FRMD4A: variants seen among roughly 807,000 people sequenced by gnomAD.
FRMD4A encodes FERM domain containing 4A.
A neutral mutation model predicts 129.1 loss-of-function variants in FRMD4A; 29 were observed. That is an observed-to-expected ratio of 0.22 (90% confidence interval 0.17 to 0.31). The LOEUF (loss-of-function observed/expected upper bound fraction) is 0.31, where lower values mean the gene tolerates loss of function less well. FRMD4A is among the 10% of genes least tolerant of loss of function. The pLI, the probability that FRMD4A is intolerant of heterozygous loss-of-function variation, is 1.00. For missense variants in FRMD4A, 1,272 were observed against 1,375.8 expected (o/e 0.92, Z 1.19); for synonymous variants, 634 against 571.6 (o/e 1.11, Z -1.56).
intron 2 of FRMD4A, among the ~76,000 whole-genome samples, chr10:13,869,123 G>A (rs754521889): frequency 3.3e-5 from 5 of 152,144 alleles, no homozygotes; most frequent in Non-Finnish European, 7.4e-5. Context: ...AGAGAAGTCC[G>A]GGTGTGGGGA....
chr10:14,098,650 C>T (rs1461107039), intron 2 of FRMD4A, among the ~76,000 whole-genome samples: 1 of 152,044 alleles, frequency 6.6e-6, no homozygotes, highest in South Asian at 2.1e-4. Context: ...CCCCGTGATC[C>T]GCCCGCCTCG....
intron 2 of FRMD4A, among the ~76,000 whole-genome samples, chr10:14,051,133 G>C (rs1206296681): frequency 6.6e-6 from 1 of 152,202 alleles, no homozygotes; most frequent in Non-Finnish European, 1.5e-5. Flanking sequence ...TGTAGAATCG[G>C]GAAGTATTTA....
At chr10:14,203,218 C>A (rs1842689360) in intron 2 of FRMD4A, among the ~76,000 whole-genome samples, 1 of 152,168 alleles carries the variant, frequency 6.6e-6, no homozygotes, top group Non-Finnish European at 1.5e-5. Flanking sequence ...ATTTTTATTG[C>A]AGCATATATA....
chr10:14,130,058 G>T (rs1031019773), intron 2 of FRMD4A, among the ~76,000 whole-genome samples: 23 of 152,084 alleles, frequency 1.5e-4, no homozygotes, highest in African/African-American at 5.6e-4. Context: ...GCGCTTGCGG[G>T]CCTGCTTTGC....
chr10:14,225,817 T>G (rs1193777599), intron 2 of FRMD4A, among the ~76,000 whole-genome samples: 1 of 152,232 alleles, frequency 6.6e-6, no homozygotes, highest in Non-Finnish European at 1.5e-5. Context: ...CGATTTCTCC[T>G]GATACATGAA....
intron 2 of FRMD4A, among the ~76,000 whole-genome samples, chr10:14,230,145 C>T (rs1269654936): frequency 6.6e-6 from 1 of 152,202 alleles, no homozygotes; most frequent in Admixed American, 6.5e-5. Flanking sequence ...ACGGTGCACA[C>T]CTCTCCTTTA....
chr10:14,207,728 G>A (rs982513025), intron 2 of FRMD4A, among the ~76,000 whole-genome samples: 45 of 148,420 alleles, frequency 3.0e-4, no homozygotes, highest in African/African-American at 1.1e-3. Context: ...ACGGAGGGAA[G>A]GAGAAGGAAG....
At chr10:13,962,038 C>T (rs929610564) in intron 2 of FRMD4A, among the ~76,000 whole-genome samples, 2 of 128,416 alleles carry the variant, frequency 1.6e-5, no homozygotes, top group Non-Finnish European at 3.5e-5. Flanking sequence ...CAAAAACACA[C>T]GAATGAATGA....
chr10:13,969,377 A>G (rs1588620463), intron 2 of FRMD4A, among the ~76,000 whole-genome samples: 2 of 152,376 alleles, frequency 1.3e-5, no homozygotes, highest in East Asian at 3.9e-4. Context: ...CCAGGCACCT[A>G]TCTGCTGCTG....
At chr10:14,148,037 C>G (rs966973288) in intron 2 of FRMD4A, among the ~76,000 whole-genome samples, 2 of 152,110 alleles carry the variant, frequency 1.3e-5, no homozygotes, top group African/African-American at 4.8e-5. Context: ...CTGTCTGGGA[C>G]GATAAACTCA....
intron 2 of FRMD4A, among the ~76,000 whole-genome samples, chr10:14,157,528 T>C (rs1044076815): frequency 6.6e-6 from 1 of 152,208 alleles, no homozygotes; most frequent in African/African-American, 2.4e-5. Flanking sequence ...ATTTAACTGA[T>C]GCACTGATCA....
intron 2 of FRMD4A, among the ~76,000 whole-genome samples, chr10:14,286,123 G>A (rs1235020650): frequency 1.3e-5 from 2 of 152,150 alleles, no homozygotes; most frequent in Non-Finnish European, 2.9e-5. Context: ...CCAAAGTGTT[G>A]ACATTCTCTC....
intron 2 of FRMD4A, among the ~76,000 whole-genome samples, chr10:14,062,182 G>T (rs1211112858): frequency 6.6e-6 from 1 of 152,170 alleles, no homozygotes; most frequent in African/African-American, 2.4e-5. Flanking sequence ...ACGTGGTTAA[G>T]TATTTCACTG....
chr10:13,745,325 C>T (rs996505425), intron 9 of FRMD4A, among the ~76,000 whole-genome samples: 2 of 152,140 alleles, frequency 1.3e-5, no homozygotes, highest in Non-Finnish European at 2.9e-5. Flanking sequence ...AGTAGGGTAT[C>T]GTCAGGAGGG....
At chr10:13,729,442 G>C (rs1252629348) in intron 12 of FRMD4A, 1 of 152,214 alleles carries the variant, frequency 6.6e-6, no homozygotes, top group African/African-American at 2.4e-5. Context: ...TCGGCAGAAC[G>C]TACACCGCAC....
At chr10:13,728,346 T>C (rs80217366) in intron 12 of FRMD4A, among the ~76,000 whole-genome samples, 2,628 of 152,170 alleles carry the variant, frequency 0.017, 42 homozygotes, top group Non-Finnish European at 0.027. Context: ...AGTCTCTTGC[T>C]CAGCCAGGCC....
intron 15 of FRMD4A, among the ~76,000 whole-genome samples, chr10:13,686,561 C>T (rs2085105845): frequency 6.6e-6 from 1 of 152,186 alleles, no homozygotes; most frequent in Non-Finnish European, 1.5e-5. Flanking sequence ...TTTAGCACAA[C>T]CTGTTTTCTC....
chr10:14,232,620 C>T (rs978691224), intron 2 of FRMD4A, among the ~76,000 whole-genome samples: 4 of 152,174 alleles, frequency 2.6e-5, no homozygotes, highest in Non-Finnish European at 5.9e-5. Context: ...GTGTAATTCT[C>T]ATTGTAGAGA....
chr10:13,963,683 A>G (rs2095462763), intron 2 of FRMD4A, among the ~76,000 whole-genome samples: 3 of 152,202 alleles, frequency 2.0e-5, no homozygotes, highest in South Asian at 4.1e-4. Flanking sequence ...TCAAAAGCAT[A>G]TTTTCTATAA....
Sources: gnomAD v4.1 joint callset for allele counts (sites outside exome capture counted in the v4.1 genomes callset) on GRCh38, gnomAD v4.1.1 for gene constraint, MANE v1.5 for transcripts, NCBI Gene and HGNC (gene_info 2026-07-23, HGNC 2026-07-21) for gene names.